Variants in ANTXR1 observed in about 807,000 individuals in gnomAD.
ANTXR1 encodes the protein anthrax toxin receptor 1.
Under a neutral mutation model 78.1 loss-of-function variants are expected in ANTXR1, and 19 were observed. That is an observed-to-expected ratio of 0.24 (90% CI 0.17 to 0.36). The LOEUF (loss-of-function observed/expected upper bound fraction) is 0.36, where lower values mean the gene tolerates loss of function less well. Among genes scored for constraint, ANTXR1 ranks in the 10% least tolerant of loss-of-function variants. The probability of loss-of-function intolerance (pLI) is 1.00; values close to 1 mark genes in which losing one functional copy is unlikely to be tolerated. For synonymous variants in ANTXR1, 273 were observed against 260.5 expected (o/e 1.05, Z -0.46); for missense variants, 518 against 718.6 (o/e 0.72, Z 3.19).
At chr2:69,218,811 C>T (rs1189025586) in intron 17 of ANTXR1, among the ~76,000 whole-genome samples, 1 of 152,132 alleles carries the variant, frequency 6.6e-6, no homozygotes. Flanking sequence ...TACAGAAAAC[C>T]AAAGGCCTAT....
At chr2:69,040,950 G>A (rs908957570) in intron 2 of ANTXR1, among the ~76,000 whole-genome samples, 1 of 152,130 alleles carries the variant, frequency 6.6e-6, no homozygotes, top group Non-Finnish European at 1.5e-5. Context: ...CAGAATACAG[G>A]TTATCCTCTA....
At chr2:69,083,510 G>A (rs1274765081) in intron 8 of ANTXR1, among the ~76,000 whole-genome samples, 2 of 152,132 alleles carry the variant, frequency 1.3e-5, no homozygotes, top group African/African-American at 2.4e-5. Context: ...ATTTTTTGAA[G>A]CTCTTGCTTG....
chr2:69,025,008 A>G (rs776043104), intron 1 of ANTXR1, among the ~76,000 whole-genome samples: 4 of 152,138 alleles, frequency 2.6e-5, no homozygotes, highest in African/African-American at 4.8e-5. Context: ...TCAGGTCACT[A>G]TGCATTTCCA....
At chr2:69,091,255 C>A (rs1433608158) in intron 9 of ANTXR1, among the ~76,000 whole-genome samples, 1 of 151,906 alleles carries the variant, frequency 6.6e-6, no homozygotes, top group Non-Finnish European at 1.5e-5. Flanking sequence ...GCCTGGCCAA[C>A]ATGGTTAAAC....
At chr2:69,071,439 G>C (rs1165413823) in intron 4 of ANTXR1, among the ~76,000 whole-genome samples, 1 of 152,212 alleles carries the variant, frequency 6.6e-6, no homozygotes, top group Non-Finnish European at 1.5e-5. Context: ...TTGAACTACA[G>C]TGTTACCACA....
chr2:69,028,504 A>G (rs531601786), intron 1 of ANTXR1, among the ~76,000 whole-genome samples: 1 of 152,334 alleles, frequency 6.6e-6, no homozygotes, highest in South Asian at 2.1e-4. Context: ...ACATGAAAAA[A>G]AATAAAAAAG....
At chr2:69,137,234 G>T (rs1385628844) in intron 12 of ANTXR1, among the ~76,000 whole-genome samples, 3 of 151,980 alleles carry the variant, frequency 2.0e-5, no homozygotes, top group South Asian at 2.1e-4. Context: ...CTCGCTTCTT[G>T]ATATCATACC....
intron 17 of ANTXR1, among the ~76,000 whole-genome samples, chr2:69,242,951 C>A (rs188508236): frequency 3.9e-5 from 6 of 152,362 alleles, no homozygotes; most frequent in Admixed American, 3.9e-4. Context: ...AACCCGGGAG[C>A]TCTGGGCAGT....
At chr2:69,235,876 T>C (rs1229370644) in intron 17 of ANTXR1, among the ~76,000 whole-genome samples, 1 of 151,986 alleles carries the variant, frequency 6.6e-6, no homozygotes, top group African/African-American at 2.4e-5. Context: ...GAAAAGAGGT[T>C]TAATTGACTC....
chr2:69,072,646 A>G (rs1337050312), intron 5 of ANTXR1, among the ~76,000 whole-genome samples: 1 of 152,232 alleles, frequency 6.6e-6, no homozygotes, highest in Non-Finnish European at 1.5e-5. Flanking sequence ...GCAGGTGACA[A>G]GGACGTCTGA....
chr2:69,148,675 G>T (rs1048611855), intron 12 of ANTXR1, among the ~76,000 whole-genome samples: 1 of 152,158 alleles, frequency 6.6e-6, no homozygotes. Flanking sequence ...GTGAATGTCC[G>T]CTGTGCTAAC....
chr2:69,162,856 C>T (rs1240728240), intron 13 of ANTXR1, among the ~76,000 whole-genome samples: 2 of 151,978 alleles, frequency 1.3e-5, no homozygotes, highest in Non-Finnish European at 2.9e-5. Context: ...AATAATAGGA[C>T]TAATGGGGGA....
At chr2:69,182,363 G>C in intron 15 of ANTXR1, 130 bp from the exon 16 acceptor site, 1 of 1,108,958 alleles carries the variant, frequency 9.0e-7, no homozygotes, top group South Asian at 1.3e-5. Flanking sequence ...CTCTTCCCTG[G>C]CCCTCAAAAC....
At chr2:69,051,425 G>A (rs1016259729) in intron 3 of ANTXR1, among the ~76,000 whole-genome samples, 1 of 151,802 alleles carries the variant, frequency 6.6e-6, no homozygotes, top group African/African-American at 2.4e-5. Flanking sequence ...TTTTTTAATA[G>A]CTATATTTAC....
At chr2:69,029,853 A>G (rs975073945) in intron 1 of ANTXR1, among the ~76,000 whole-genome samples, 3 of 152,232 alleles carry the variant, frequency 2.0e-5, no homozygotes, top group Admixed American at 2.0e-4. Context: ...AGAAAAGTTA[A>G]GAAGTCAATA....
intron 3 of ANTXR1, among the ~76,000 whole-genome samples, chr2:69,062,621 A>C (rs1039355635): frequency 6.6e-6 from 1 of 152,220 alleles, no homozygotes; most frequent in African/African-American, 2.4e-5. Context: ...TAAACAACAC[A>C]AATCAATATT....
chr2:69,108,515 A>T (rs375562927), intron 10 of ANTXR1, among the ~76,000 whole-genome samples: 1 of 152,246 alleles, frequency 6.6e-6, no homozygotes, highest in Non-Finnish European at 1.5e-5. Context: ...GGTTTCTTAC[A>T]TAAGTAAACT....
chr2:69,117,247 A>G (rs1350293217), intron 10 of ANTXR1, among the ~76,000 whole-genome samples: 2 of 152,230 alleles, frequency 1.3e-5, no homozygotes, highest in Non-Finnish European at 2.9e-5. Context: ...CTACATTATA[A>G]GACTAGCTGG....
chr2:69,245,549 A>G lies in ANTXR1; in HGVS notation c.*64A>G. 1 of 1,597,750 alleles carries G rather than the reference A, an allele frequency of 6.3e-7. No homozygotes were observed. The highest frequency in any genetic ancestry group is 8.5e-7 in the Non-Finnish European group (1 of 1,174,828). On this transcript the variant is annotated 3_prime_UTR_variant, in exon 18 of 18. Coordinates refer to ENST00000303714, the MANE Select transcript of ANTXR1 (RefSeq NM_032208.3). ...AGGAGATGTTAGAACAAGTCTTTCCAGTTAGAGAAGAGGAGTGGTGATAAA... is the reference window on the plus strand; with the variant it reads ...AGGAGATGTTAGAACAAGTCTTTCCGGTTAGAGAAGAGGAGTGGTGATAAA...
Sources: gnomAD v4.1 joint callset for allele counts (sites outside exome capture counted in the v4.1 genomes callset) on GRCh38, gnomAD v4.1.1 for gene constraint, MANE v1.5 for transcripts, NCBI Gene and HGNC (gene_info 2026-07-23, HGNC 2026-07-21) for gene names.